The following PCDHGB7 variants were observed in gnomAD, a reference collection of about 807,000 sequenced individuals.
The protein encoded by PCDHGB7 is protocadherin gamma-B7.
Under a neutral mutation model 61.4 loss-of-function variants are expected in PCDHGB7, and 37 were observed. That is an observed-to-expected ratio of 0.60 (90% CI 0.46 to 0.79). The LOEUF (loss-of-function observed/expected upper bound fraction) is 0.79. PCDHGB7 is among the 30% of genes least tolerant of loss of function. The pLI is 0.00. For synonymous variants in PCDHGB7, 464 were observed against 503.5 expected (o/e 0.92, Z 1.05); for missense variants, 1,166 against 1,202.5 (o/e 0.97, Z 0.45).
At chr5:141,421,423 C>T in intron 1 of PCDHGB7, 1 of 1,614,052 alleles carries the variant, frequency 6.2e-7, no homozygotes, top group Non-Finnish European at 8.5e-7. Context: ...GCGCGGAGTC[C>T]GCATCGTCTC....
Position 141,419,248 on chromosome 5 carries a change from AAAC to A in PCDHGB7, c.1393_1395del (p.Asn465del), listed in dbSNP as rs1229992972. ...CAGCCTACCTGGTCCACGTGCCAGA[AAAC>A]AACCAGCCGGGTGCCTCCATAGCGC... is the stretch of plus-strand genomic sequence containing the variant. On this transcript the variant is annotated inframe_deletion, in exon 1 of 4. Transcript: ENST00000398594. 6.2e-7 allele frequency: 1 copy of A among 1,613,980 alleles called. No homozygotes were observed. Among genetic ancestry groups the A allele is most frequent in the Admixed American group, 1.7e-5 (1 of 60,026 alleles).
At chr5:141,474,212 C>T (rs892802269) in intron 1 of PCDHGB7, among the ~76,000 whole-genome samples, 5 of 152,078 alleles carry the variant, frequency 3.3e-5, no homozygotes, top group African/African-American at 1.2e-4. Flanking sequence ...TTTCAAAAAC[C>T]AGATTGTGAA....
chr5:141,435,853 T>C (rs1034164236), intron 1 of PCDHGB7, among the ~76,000 whole-genome samples: 1 of 152,110 alleles, frequency 6.6e-6, no homozygotes, highest in African/African-American at 2.4e-5. Context: ...AAAGATACAA[T>C]AGTTAAAACC....
intron 1 of PCDHGB7, among the ~76,000 whole-genome samples, chr5:141,454,796 ATTTTTTTTTTTTTT>A (rs61612330): frequency 5.2e-5 from 4 of 77,408 alleles, no homozygotes; most frequent in Non-Finnish European, 9.3e-5. Flanking sequence ...CATGGTTCTA[ATTTTTTTTTTTTTT>A]TTTTTTTTTT....
chr5:141,420,933 T>C (rs1227912236), intron 1 of PCDHGB7: 1 of 375,320 alleles, frequency 2.7e-6, no homozygotes, highest in African/African-American at 2.1e-5. Context: ...GTGAGCGTAA[T>C]CATTTCTTCT....
chr5:141,494,962 T>G (rs1644946600), intron 2 of PCDHGB7, 97 bp downstream of exon 2: 4 of 1,596,756 alleles, frequency 2.5e-6, no homozygotes, highest in Non-Finnish European at 3.4e-6. Context: ...TTGCTACAGA[T>G]GGCTTCTCCC....
intron 1 of PCDHGB7, chr5:141,430,857 A>T: frequency 6.3e-7 from 1 of 1,591,434 alleles, no homozygotes; most frequent in Non-Finnish European, 8.5e-7. Flanking sequence ...CAGATACGCT[A>T]TTCAGTTCCG....
chr5:141,444,525 C>T (rs2098439670), intron 1 of PCDHGB7, among the ~76,000 whole-genome samples: 1 of 152,062 alleles, frequency 6.6e-6, no homozygotes, highest in African/African-American at 2.4e-5. Context: ...GTAGGTGAGA[C>T]AGTGACTGTG....
intron 1 of PCDHGB7, chr5:141,492,079 G>A (rs1400390407): frequency 4.1e-6 from 2 of 486,168 alleles, no homozygotes; most frequent in African/African-American, 2.0e-5. Context: ...CGCCGGCTCC[G>A]GCACGCTTCG....
At chr5:141,461,825 T>C (rs2099024418) in intron 1 of PCDHGB7, among the ~76,000 whole-genome samples, 1 of 151,778 alleles carries the variant, frequency 6.6e-6, no homozygotes, top group African/African-American at 2.4e-5. Context: ...AGCTAATTTT[T>C]TTTTCTTTTT....
intron 1 of PCDHGB7, among the ~76,000 whole-genome samples, chr5:141,481,913 CAAAAAAA>C (rs34114744): frequency 2.2e-5 from 2 of 90,812 alleles, no homozygotes; most frequent in Admixed American, 1.2e-4. Context: ...AACTCCATCT[CAAAAAAA>C]AAAAAAAAAA....
rs200877911 is a variant in PCDHGB7 at position 141,477,977 on chromosome 5, A to G, written c.2416-16830A>G. ...ATCCCCTAACCAGAGCCTTTTTGCC[A>G]TAGGGCTGCACACTGGTCAAATCAG... On this transcript the variant is annotated intron_variant, in intron 1 of 3. Coordinates refer to ENST00000398594, the MANE Select transcript of PCDHGB7 (RefSeq NM_018927.4). The surrounding 1 kb of genome is among the most constrained non-coding windows in gnomAD (Gnocchi z 4.9). 5 of 1,614,092 alleles carry G rather than the reference A, an allele frequency of 3.1e-6. No individual in the cohort carries two copies. The East Asian group carries it at 6.7e-5, about 22-fold the overall frequency.
At position 141,430,761 on chromosome 5, in the gene PCDHGB7, T is replaced by C. The variant is rs769012885; in HGVS notation, c.2415+10487T>C. The C allele has an allele frequency of 2.0e-6, 3 of 1,506,132 alleles. No individual in the cohort carries two copies. The African/African-American group carries it at 4.2e-5, about 21-fold the overall frequency. The allele number at this position is 1,506,132 out of a possible 1,614,324, so 93.3% of individuals were successfully genotyped here. ...AAATAATTCTGGAGGAAGATAAGAATGATTCCTGCGCGACTGCACCGGGAC... is the reference window on the plus strand; with the variant it reads ...AAATAATTCTGGAGGAAGATAAGAACGATTCCTGCGCGACTGCACCGGGAC... On this transcript the variant is annotated intron_variant, in intron 1 of 3. Coordinates refer to ENST00000398594, the MANE Select transcript of PCDHGB7 (RefSeq NM_018927.4).
chr5:141,438,526 G>A (rs188552043), intron 1 of PCDHGB7, among the ~76,000 whole-genome samples: 11 of 143,330 alleles, frequency 7.7e-5, no homozygotes, highest in Non-Finnish European at 1.5e-4. Flanking sequence ...ATTTTACATG[G>A]ACTTTTCCTC....
rs566635689 is a variant in PCDHGB7, at chr5:141,469,738, C to G, written c.2416-25069C>G. ...AGGAATTTATCATAAATACACACCT[C>G]AAAAATTACAAAAATACATATATAC... is the stretch of plus-strand genomic sequence containing the variant. On this transcript the variant is annotated intron_variant, in intron 1 of 3. Transcript: ENST00000398594. 6.7e-4 allele frequency among the ~76,000 whole-genome samples: 102 copies of G among 152,292 alleles called. 2 individuals are homozygous for G. Among genetic ancestry groups the G allele is most frequent in the African/African-American group, 2.4e-3 (99 of 41,552 alleles).
At chr5:141,466,754 C>T (rs1045917268) in intron 1 of PCDHGB7, among the ~76,000 whole-genome samples, 1 of 152,138 alleles carries the variant, frequency 6.6e-6, no homozygotes, top group African/African-American at 2.4e-5. Context: ...GATAGGGGCT[C>T]TTTTCAAACT....
At chr5:141,466,871 T>C (rs1432611218) in intron 1 of PCDHGB7, among the ~76,000 whole-genome samples, 2 of 152,166 alleles carry the variant, frequency 1.3e-5, no homozygotes, top group African/African-American at 4.8e-5. Flanking sequence ...ATCCACACAT[T>C]TTTTTCATAA....
In PCDHGB7 at chr5:141,420,047, G is replaced by C. The variant is rs1242042066; in HGVS notation, c.2188G>C (p.Val730Leu). The change falls in exon 1 of 4, where the codon GTT becomes CTT. Residue 730 changes from valine to leucine, a missense_variant. By Grantham distance (32) the Val-to-Leu change is conservative. Coordinates refer to ENST00000398594, the MANE Select transcript of PCDHGB7 (RefSeq NM_018927.4). ...SPTAGDCFESVLCSKSGPVGP... is the reference protein window; with the variant it reads ...SPTAGDCFESLLCSKSGPVGP... ...TACTGCAGGAGACTGCTTTGAGTCAGTTCTCTGCTCCAAGTCCGGACCTGT... is the reference window on the plus strand; with the variant it reads ...TACTGCAGGAGACTGCTTTGAGTCACTTCTCTGCTCCAAGTCCGGACCTGT... The C allele has an allele frequency of 6.2e-7, 1 of 1,613,958 alleles. No homozygotes were observed. Among genetic ancestry groups the C allele is most frequent in the East Asian group, 2.2e-5 (1 of 44,900 alleles).
At chr5:141,505,361 A>G (rs2099845711) in intron 2 of PCDHGB7, 32 bp from the exon 3 acceptor site, 1 of 1,613,910 alleles carries the variant, frequency 6.2e-7, no homozygotes, top group South Asian at 1.1e-5. Context: ...CCGGCCTGGG[A>G]GTCTGTGCTC....
Sources: allele counts gnomAD v4.1 joint callset (sites outside exome capture counted in the v4.1 genomes callset), GRCh38; gene constraint gnomAD v4.1.1; non-coding constraint Gnocchi (gnomAD v3.1); transcripts MANE v1.5; gene names NCBI Gene and HGNC (gene_info 2026-07-23, HGNC 2026-07-21).